The following MYRIP variants were observed in gnomAD, a reference collection of about 807,000 sequenced individuals.
MYRIP encodes myosin VIIA and Rab interacting protein, also known as rab effector MyRIP.
A neutral mutation model predicts 98.0 loss-of-function variants in MYRIP; 49 were observed. That is an observed-to-expected ratio of 0.50 (90% CI 0.40 to 0.63). The LOEUF (loss-of-function observed/expected upper bound fraction) is 0.63. Ranked by LOEUF, MYRIP falls within the 30% of genes least tolerant of loss-of-function variation. The pLI is 0.00. For missense variants in MYRIP, 1,004 were observed against 1,058.2 expected (o/e 0.95, Z 0.71); for synonymous variants, 404 against 409.5 (o/e 0.99, Z 0.16).
At chr3:40,230,724 T>A (rs957260225) in intron 11 of MYRIP, among the ~76,000 whole-genome samples, 8 of 152,196 alleles carry the variant, frequency 5.3e-5, no homozygotes, top group Admixed American at 4.6e-4. Context: ...TTGCTGTGGA[T>A]TCCAGTTTGC....
At chr3:39,968,596 G>A (rs1945499999) in intron 2 of MYRIP, among the ~76,000 whole-genome samples, 1 of 152,128 alleles carries the variant, frequency 6.6e-6, no homozygotes, top group Non-Finnish European at 1.5e-5. Context: ...TTTCCCCATT[G>A]CTTATTTTTG....
intron 3 of MYRIP, among the ~76,000 whole-genome samples, chr3:40,073,059 C>T (rs956195696): frequency 3.9e-5 from 6 of 152,042 alleles, no homozygotes; most frequent in African/African-American, 7.2e-5. Flanking sequence ...TTTGATAGAA[C>T]GTACAAGAGA....
intron 1 of MYRIP, among the ~76,000 whole-genome samples, chr3:39,878,510 C>T (rs4676531): frequency 0.32 from 48,926 of 151,760 alleles, 8,014 homozygotes; most frequent in Middle Eastern, 0.46. Flanking sequence ...CAACAGTATG[C>T]GCCTGGTACT....
At chr3:40,083,791 C>T (rs1262167089) in intron 3 of MYRIP, among the ~76,000 whole-genome samples, 1 of 152,030 alleles carries the variant, frequency 6.6e-6, no homozygotes, top group Non-Finnish European at 1.5e-5. Flanking sequence ...AAAGCATGGT[C>T]AACTGTGAAT....
intron 2 of MYRIP, among the ~76,000 whole-genome samples, chr3:39,953,073 G>A (rs765348787): frequency 1.3e-5 from 2 of 152,066 alleles, no homozygotes; most frequent in Admixed American, 6.6e-5. Flanking sequence ...ACAATGCCCC[G>A]GGGCATGAGG....
intron 1 of MYRIP, among the ~76,000 whole-genome samples, chr3:39,849,838 G>T (rs1014003871): frequency 3.3e-5 from 5 of 152,144 alleles, no homozygotes; most frequent in South Asian, 4.1e-4. Context: ...TTATAAGTGT[G>T]GGTAGGAGAG....
chr3:39,924,362 G>A lies in MYRIP; in HGVS notation c.110+23436G>A, dbSNP rs1944368520. Among the ~76,000 whole-genome samples the A allele has an allele frequency of 2.6e-5, 4 of 152,164 alleles. 1 individual carries two copies. In the South Asian group the frequency reaches 8.3e-4, roughly 32 times the overall value. ...AATATCTGATAAGCTAGATTTCAGA[G>A]CAAAGAAAATCACCATAATCAGAGA... is the stretch of plus-strand genomic sequence containing the variant. On this transcript the variant is annotated intron_variant, in intron 2 of 16. Transcript: ENST00000302541.
intron 3 of MYRIP, among the ~76,000 whole-genome samples, chr3:40,082,525 T>C (rs1410806520): frequency 6.6e-6 from 1 of 152,220 alleles, no homozygotes; most frequent in African/African-American, 2.4e-5. Context: ...AACTCCAAGA[T>C]TATTTATTTT....
intron 3 of MYRIP, among the ~76,000 whole-genome samples, chr3:40,055,192 T>C (rs188371259): frequency 2.7e-4 from 41 of 152,304 alleles, no homozygotes; most frequent in Admixed American, 5.9e-4. Flanking sequence ...ATATAATCAA[T>C]CAAGTACATA....
At chr3:39,874,888 A>G (rs1042795975) in intron 1 of MYRIP, among the ~76,000 whole-genome samples, 1 of 151,978 alleles carries the variant, frequency 6.6e-6, no homozygotes, top group Non-Finnish European at 1.5e-5. Context: ...CTCTTTTTCT[A>G]TTGATTGGAA....
At chr3:40,168,294 C>A (rs567510085) in intron 7 of MYRIP, among the ~76,000 whole-genome samples, 1 of 152,312 alleles carries the variant, frequency 6.6e-6, no homozygotes, top group South Asian at 2.1e-4. Context: ...GTAACCGCAT[C>A]CTAAGTTGAA....
chr3:40,068,344 CAA>C, intron 3 of MYRIP, among the ~76,000 whole-genome samples: 1 of 152,288 alleles, frequency 6.6e-6, no homozygotes, highest in African/African-American at 2.4e-5. Flanking sequence ...GGGAGTAAAA[CAA>C]TGTTTTGCTC....
intron 3 of MYRIP, among the ~76,000 whole-genome samples, chr3:40,099,820 A>C (rs1294564995): frequency 1.3e-5 from 2 of 152,214 alleles, no homozygotes; most frequent in Non-Finnish European, 2.9e-5. Flanking sequence ...TGAATTTACA[A>C]ACCAAGAAAG....
intron 2 of MYRIP, among the ~76,000 whole-genome samples, chr3:40,027,460 T>C (rs972706002): frequency 3.3e-5 from 5 of 152,084 alleles, no homozygotes; most frequent in Admixed American, 1.3e-4. Context: ...TTTTCTTTGC[T>C]ACTTGTTCTG....
intron 2 of MYRIP, among the ~76,000 whole-genome samples, chr3:40,042,511 A>G (rs1008762368): frequency 6.6e-6 from 1 of 152,170 alleles, no homozygotes; most frequent in African/African-American, 2.4e-5. Context: ...ACGGGAGAAT[A>G]TATTTGCCAC....
intron 9 of MYRIP, among the ~76,000 whole-genome samples, chr3:40,185,513 G>A (rs1559440188): frequency 6.6e-6 from 1 of 152,116 alleles, no homozygotes; most frequent in African/African-American, 2.4e-5. Context: ...GGGAGACTGT[G>A]GTATTGGAGC....
At chr3:39,974,777 A>AT in intron 2 of MYRIP, among the ~76,000 whole-genome samples, 1 of 152,234 alleles carries the variant, frequency 6.6e-6, no homozygotes, top group African/African-American at 2.4e-5. Flanking sequence ...TCCAGCATAT[A>AT]AACAGAACCA....
intron 11 of MYRIP, among the ~76,000 whole-genome samples, chr3:40,219,625 G>GT (rs1952263558): frequency 6.6e-6 from 1 of 151,994 alleles, no homozygotes; most frequent in African/African-American, 2.4e-5. Flanking sequence ...CAGAATGATG[G>GT]TTTCCAGCTT....
At chr3:40,004,314 G>T (rs1020678498) in intron 2 of MYRIP, among the ~76,000 whole-genome samples, 2 of 152,164 alleles carry the variant, frequency 1.3e-5, no homozygotes, top group East Asian at 1.9e-4. Flanking sequence ...CCCAGGAAGG[G>T]TTTCCACCCT....
Sources: gnomAD v4.1 joint callset for allele counts (sites outside exome capture counted in the v4.1 genomes callset) on GRCh38, gnomAD v4.1.1 for gene constraint, MANE v1.5 for transcripts, NCBI Gene and HGNC (gene_info 2026-07-23, HGNC 2026-07-21) for gene names.